The following RBFOX3 variants were observed in gnomAD, a reference collection of about 807,000 sequenced individuals.
RBFOX3 encodes the protein RNA binding protein fox-1 homolog 3.
A neutral mutation model predicts 48.7 loss-of-function variants in RBFOX3; 17 were observed. That is an observed-to-expected ratio of 0.35 (90% CI 0.24 to 0.52). RBFOX3 has a LOEUF of 0.52. Ranked by LOEUF, RBFOX3 falls within the 20% of genes least tolerant of loss-of-function variation. The pLI is 0.94. For synonymous variants in RBFOX3, 212 were observed against 209.5 expected, an observed-to-expected ratio of 1.01 and a Z score of -0.10; for missense variants, 382 against 497.5, an observed-to-expected ratio of 0.77 and a Z score of 2.21.
the RBFOX3 span, among the ~76,000 whole-genome samples, chr17:79,656,341 C>T: frequency 1.5e-3 from 231 of 152,284 alleles, no homozygotes; most frequent in African/African-American, 5.5e-3. Context: ...AGGCCGGGCA[C>T]GGTGGCTCAC....
chr17:79,483,984 A>C (rs2079154218), intron 1 of RBFOX3, among the ~76,000 whole-genome samples: 1 of 152,060 alleles, frequency 6.6e-6, no homozygotes, highest in African/African-American at 2.4e-5. Context: ...AATTTACTCC[A>C]ACCCAAACAG....
rs1046495852 is a variant in RBFOX3 at position 79,220,429 on chromosome 17, G to A, written c.-34+15337C>T. ...CCCTCTCCCTGTGTCTCTGCCTCTC[G>A]CTTTATTTCCCCAGGTTGCTCAGCT... is the stretch of plus-strand genomic sequence containing the variant. On this transcript the variant is annotated intron_variant, in intron 4 of 14. Coordinates refer to ENST00000693108, the MANE Select transcript of RBFOX3 (RefSeq NM_001350451.2). The surrounding 1 kb of genome is among the most constrained non-coding windows in gnomAD (Gnocchi z 5.9). Among the ~76,000 whole-genome samples the A allele has an allele frequency of 2.0e-5, 3 of 152,122 alleles. No individual in the cohort carries two copies. Among genetic ancestry groups the A allele is most frequent in the African/African-American group, 7.2e-5 (3 of 41,416 alleles).
In RBFOX3 at chr17:79,229,192, G is replaced by A. The variant is rs150097806; in HGVS notation, c.-34+6574C>T. ...TGCAGTGAGCCGAGACTGTGCCATCGCACTCCAGCCTGGGTGACAGTGTGA... is the reference window on the plus strand; with the variant it reads ...TGCAGTGAGCCGAGACTGTGCCATCACACTCCAGCCTGGGTGACAGTGTGA... On this transcript the variant is annotated intron_variant, in intron 4 of 14. Coordinates refer to ENST00000693108, the MANE Select transcript of RBFOX3 (RefSeq NM_001350451.2). Among the ~76,000 whole-genome samples, 603 of 124,754 alleles carry A rather than the reference G, an allele frequency of 4.8e-3. 10 individuals are homozygous for A. The Admixed American group carries it at 0.057, about 12-fold the overall frequency. The allele number at this position is 124,754 out of a possible 152,430, so 81.8% of individuals were successfully genotyped here.
At chr17:79,285,448 T>C (rs1046949046) in intron 3 of RBFOX3, among the ~76,000 whole-genome samples, 1 of 152,198 alleles carries the variant, frequency 6.6e-6, no homozygotes, top group East Asian at 1.9e-4. Context: ...GTACCTTCAT[T>C]TCTGACCATC....
intron 1 of RBFOX3, among the ~76,000 whole-genome samples, chr17:79,527,385 C>G (rs2086942787): frequency 6.6e-6 from 1 of 152,238 alleles, no homozygotes; most frequent in Non-Finnish European, 1.5e-5. Context: ...TATAGAAGAT[C>G]CACCAGCGTT....
chr17:79,573,131 G>A (rs2092735696), intron 1 of RBFOX3, among the ~76,000 whole-genome samples: 1 of 152,036 alleles, frequency 6.6e-6, no homozygotes, highest in African/African-American at 2.4e-5. Flanking sequence ...TCTTCTTTCT[G>A]TCCCCTCTCC....
At chr17:79,157,516 T>C (rs1397749098) in intron 4 of RBFOX3, among the ~76,000 whole-genome samples, 2 of 152,202 alleles carry the variant, frequency 1.3e-5, no homozygotes, top group East Asian at 3.9e-4. Context: ...CCGGTGCCAC[T>C]TACTGATGTG....
Position 79,243,184 on chromosome 17 carries a change from G to A in RBFOX3, c.-73-7379C>T, listed in dbSNP as rs180742691. Among the ~76,000 whole-genome samples, 33 of 74,796 alleles carry A rather than the reference G, an allele frequency of 4.4e-4. No homozygotes were observed. In the East Asian group the frequency reaches 9.7e-3, roughly 22 times the overall value. 49.1% of individuals were successfully genotyped at this position (74,796 alleles called of 152,430 possible). The stretch of plus-strand genomic sequence containing the variant: ...TGCCCTAAATGCCACAGCTGGTAGC[G>A]GTTGCAGCTGAGTTTGCGCGAGACC... On this transcript the variant is annotated intron_variant, in intron 3 of 14. Transcript: ENST00000693108. This position sits in a 1 kb window ranked among gnomAD's most constrained non-coding sequence, Gnocchi z 7.9.
At chr17:79,578,964 C>G (rs2092952811) in intron 1 of RBFOX3, among the ~76,000 whole-genome samples, 1 of 152,346 alleles carries the variant, frequency 6.6e-6, no homozygotes, top group African/African-American at 2.4e-5. Flanking sequence ...ACGCAGTGGC[C>G]TTGACTCAGG....
chr17:79,564,573 C>T (rs2092384603), intron 1 of RBFOX3, among the ~76,000 whole-genome samples: 1 of 152,092 alleles, frequency 6.6e-6, no homozygotes, highest in Non-Finnish European at 1.5e-5. Context: ...ATTGATCCTA[C>T]AGAAATAATC....
At chr17:79,176,391 A>G (rs548789902) in intron 4 of RBFOX3, among the ~76,000 whole-genome samples, 1 of 152,230 alleles carries the variant, frequency 6.6e-6, no homozygotes, top group Non-Finnish European at 1.5e-5. Context: ...AGCACCCCCC[A>G]AGCAGGGCCC....
At chr17:79,102,770 T>C (rs1304428898) in intron 8 of RBFOX3, among the ~76,000 whole-genome samples, 1 of 151,746 alleles carries the variant, frequency 6.6e-6, no homozygotes, top group Admixed American at 6.6e-5. Flanking sequence ...TGGGGACAGG[T>C]TGGGGACAGC....
intron 4 of RBFOX3, chr17:79,234,493 G>A (rs2061400723): frequency 6.6e-6 from 1 of 152,146 alleles, no homozygotes; most frequent in Non-Finnish European, 1.5e-5. Flanking sequence ...GACGGATCTA[G>A]TTTCCGGTCC....
intron 4 of RBFOX3, among the ~76,000 whole-genome samples, chr17:79,120,646 G>A (rs1182469313): frequency 8.0e-6 from 1 of 124,360 alleles, no homozygotes; most frequent in Non-Finnish European, 1.7e-5. Context: ...AAATTGGTGG[G>A]TGTGTGGATG....
At chr17:79,562,910 T>TA (rs2092302911) in intron 1 of RBFOX3, among the ~76,000 whole-genome samples, 1 of 152,092 alleles carries the variant, frequency 6.6e-6, no homozygotes, top group African/African-American at 2.4e-5. Context: ...TGTGCTGGGA[T>TA]TTTTTCCCCT....
intron 1 of RBFOX3, among the ~76,000 whole-genome samples, chr17:79,591,831 A>C (rs1423925498): frequency 2.7e-5 from 4 of 148,708 alleles, no homozygotes; most frequent in South Asian, 4.3e-4. Flanking sequence ...GCACGTGTGG[A>C]GGGTGTGTGG....
At chr17:79,611,272 G>T (rs1400135868), upstream of RBFOX3, among the ~76,000 whole-genome samples, 1 of 150,534 alleles carries the variant, frequency 6.6e-6, no homozygotes, top group African/African-American at 2.5e-5. Flanking sequence ...GCGGCGGCGC[G>T]GGCGGCGGTG....
In RBFOX3 at chr17:79,311,402, C is replaced by A. The variant is rs962992135; in HGVS notation, c.-174-3578G>T. Among the ~76,000 whole-genome samples, 18 of 147,112 alleles carry A rather than the reference C, an allele frequency of 1.2e-4. No homozygotes were observed. Among genetic ancestry groups the A allele is most frequent in the South Asian group, 6.6e-4 (3 of 4,518 alleles). The stretch of plus-strand genomic sequence containing the variant: ...GAGCCAAGATCACACCATTGCACTC[C>A]AGCCTGGGTAAGAAGAGCGAGACTC... On this transcript the variant is annotated intron_variant, in intron 2 of 14. Coordinates refer to ENST00000693108, the MANE Select transcript of RBFOX3 (RefSeq NM_001350451.2). The surrounding 1 kb of genome is among the most constrained non-coding windows in gnomAD (Gnocchi z 4.2).
chr17:79,358,924 C>A (rs1335768466), intron 2 of RBFOX3, among the ~76,000 whole-genome samples: 1 of 152,198 alleles, frequency 6.6e-6, no homozygotes, highest in East Asian at 1.9e-4. Context: ...AGTATCCTTC[C>A]CTCTTTTCCC....
Sources: allele counts gnomAD v4.1 joint callset (sites outside exome capture counted in the v4.1 genomes callset), GRCh38; gene constraint gnomAD v4.1.1; non-coding constraint Gnocchi (gnomAD v3.1); transcripts MANE v1.5; gene names NCBI Gene and HGNC (gene_info 2026-07-23, HGNC 2026-07-21).